The following ZFPM2 variants were observed in gnomAD, a reference collection of about 807,000 sequenced individuals.
The protein encoded by ZFPM2 is zinc finger protein, FOG family member 2, also known as zinc finger protein ZFPM2.
ZFPM2 carries 20 observed loss-of-function variants against 98.6 expected under a neutral mutation model. The observed-to-expected ratio is 0.20, with a 90% CI of 0.14 to 0.29. ZFPM2 has a LOEUF of 0.29. Ranked by LOEUF, ZFPM2 falls within the 10% of genes least tolerant of loss-of-function variation. ZFPM2 has a pLI of 1.00. For missense variants in ZFPM2, 1,310 were observed against 1,388.6 expected, an observed-to-expected ratio of 0.94 and a Z score of 0.90; for synonymous variants, 518 against 502.7, an observed-to-expected ratio of 1.03 and a Z score of -0.41.
intron 5 of ZFPM2, among the ~76,000 whole-genome samples, chr8:105,762,185 A>G (rs531639966): frequency 7.5e-4 from 114 of 152,142 alleles, no homozygotes; most frequent in African/African-American, 2.5e-3. Flanking sequence ...TTGAAAATCA[A>G]TGATCAATGC....
chr8:105,778,953 C>G (rs1354169065), intron 5 of ZFPM2, among the ~76,000 whole-genome samples: 1 of 123,022 alleles, frequency 8.1e-6, no homozygotes, highest in Non-Finnish European at 1.7e-5. Context: ...TATTAAATAT[C>G]TGAATTTTGG....
At chr8:105,573,240 A>C (rs576575640) in intron 4 of ZFPM2, among the ~76,000 whole-genome samples, 1 of 152,306 alleles carries the variant, frequency 6.6e-6, no homozygotes, top group East Asian at 1.9e-4. Context: ...GCCCAAGACA[A>C]AAGCCACAGT....
intron 2 of ZFPM2, among the ~76,000 whole-genome samples, chr8:105,443,611 A>G (rs1276150810): frequency 1.3e-5 from 2 of 152,148 alleles, no homozygotes; most frequent in African/African-American, 4.8e-5. Context: ...TGCCATAACT[A>G]TATTTTTGCT....
intron 1 of ZFPM2, among the ~76,000 whole-genome samples, chr8:105,340,719 T>C (rs1812413310): frequency 6.6e-6 from 1 of 151,938 alleles, no homozygotes; most frequent in African/African-American, 2.4e-5. Flanking sequence ...CTGTTCTATG[T>C]ACAGAAGTCA....
intron 5 of ZFPM2, among the ~76,000 whole-genome samples, chr8:105,730,274 A>G (rs2131012672): frequency 6.6e-6 from 1 of 151,900 alleles, no homozygotes; most frequent in South Asian, 2.1e-4. Context: ...GCATGAAAGT[A>G]AGACAGTTTT....
At chr8:105,410,925 A>G (rs1016333586) in intron 1 of ZFPM2, among the ~76,000 whole-genome samples, 4 of 151,836 alleles carry the variant, frequency 2.6e-5, no homozygotes, top group Admixed American at 1.3e-4. Context: ...GGGGAAAAAA[A>G]AATTGCTGCT....
At chr8:105,345,655 C>T (rs1812510073) in intron 1 of ZFPM2, among the ~76,000 whole-genome samples, 1 of 151,990 alleles carries the variant, frequency 6.6e-6, no homozygotes, top group South Asian at 2.1e-4. Context: ...TACTGTTCAG[C>T]TTGTTCAGAC....
At chr8:105,732,133 C>A (rs1381037678) in intron 5 of ZFPM2, among the ~76,000 whole-genome samples, 1 of 151,670 alleles carries the variant, frequency 6.6e-6, no homozygotes, top group Admixed American at 6.6e-5. Flanking sequence ...ACAAAAATGG[C>A]AGCTGTCCCC....
At chr8:105,769,182 C>A (rs1812928336) in intron 5 of ZFPM2, among the ~76,000 whole-genome samples, 1 of 151,990 alleles carries the variant, frequency 6.6e-6, no homozygotes, top group African/African-American at 2.4e-5. Context: ...AACACATATT[C>A]ACCTACAAAG....
At chr8:105,561,725 G>A (rs1478072656) in intron 4 of ZFPM2, among the ~76,000 whole-genome samples, 2 of 152,064 alleles carry the variant, frequency 1.3e-5, no homozygotes, top group Admixed American at 1.3e-4. Flanking sequence ...TAATATGTAA[G>A]GTTATTGCTT....
intron 3 of ZFPM2, among the ~76,000 whole-genome samples, chr8:105,479,650 T>C (rs1305650751): frequency 6.6e-6 from 1 of 152,188 alleles, no homozygotes; most frequent in African/African-American, 2.4e-5. Context: ...TGGAAAAACT[T>C]GTTGCATTTC....
At chr8:105,586,325 A>G (rs1815713938) in intron 4 of ZFPM2, among the ~76,000 whole-genome samples, 1 of 149,080 alleles carries the variant, frequency 6.7e-6, no homozygotes, top group South Asian at 2.2e-4. Flanking sequence ...TTAGTAGTAG[A>G]AATAACCAGT....
chr8:105,792,906 A>G (rs975039204), intron 6 of ZFPM2, among the ~76,000 whole-genome samples: 26 of 152,100 alleles, frequency 1.7e-4, no homozygotes, highest in Admixed American at 9.8e-4. Flanking sequence ...TAGGATTGCA[A>G]TCCCTGCCTT....
chr8:105,732,903 G>A (rs1200277685), intron 5 of ZFPM2, among the ~76,000 whole-genome samples: 1 of 151,668 alleles, frequency 6.6e-6, no homozygotes, highest in Non-Finnish European at 1.5e-5. Flanking sequence ...GCAGCTTCTT[G>A]TTGTTAAAGT....
At chr8:105,596,447 G>A (rs1308678451) in intron 4 of ZFPM2, among the ~76,000 whole-genome samples, 2 of 151,986 alleles carry the variant, frequency 1.3e-5, no homozygotes, top group Non-Finnish European at 2.9e-5. Context: ...TTTTTACCCT[G>A]GTTGCAAATA....
Position 105,650,125 on chromosome 8 carries a change from A to G in ZFPM2, c.532+15768A>G, listed in dbSNP as rs149462831. On this transcript the variant is annotated intron_variant, in intron 5 of 7. Transcript: ENST00000407775. Reference sequence around the variant, plus strand: ...CTTGGGAGGGTCTATGTGTCGAGGAATTTATCCATTTCTTCTAGATTTTCT... The same window carrying G: ...CTTGGGAGGGTCTATGTGTCGAGGAGTTTATCCATTTCTTCTAGATTTTCT... 4.8e-3 allele frequency among the ~76,000 whole-genome samples: 725 copies of G among 152,230 alleles called. 4 individuals are homozygous for G. The highest frequency in any genetic ancestry group is 0.017 in the African/African-American group (697 of 41,546).
At chr8:105,590,696 A>G (rs868029478) in intron 4 of ZFPM2, among the ~76,000 whole-genome samples, 4 of 152,374 alleles carry the variant, frequency 2.6e-5, no homozygotes, top group Admixed American at 1.3e-4. Context: ...GTAACAAGAA[A>G]AAAGTATGTG....
Position 105,803,184 on chromosome 8 carries a change from G to C in ZFPM2, c.3102G>C (p.Leu1034Phe). ...CGCTGAAGAAAGATTCTCTGCCATT[G>C]TTGCCCAAAAATCGAGGAATGGTAA... ...CAALKKDSLP[L>F]LPKNRGMVIV... is the part of the protein sequence containing the mutation. Residue 1034 changes from leucine to phenylalanine, a missense_variant, in exon 8 of 8, where the codon TTG becomes TTC. Leu to Phe is a conservative substitution (Grantham distance 22). Coordinates refer to ENST00000407775, the MANE Select transcript of ZFPM2 (RefSeq NM_012082.4). 6.2e-7 allele frequency: 1 copy of C among 1,613,758 alleles called. No individual in the cohort carries two copies. The highest frequency in any genetic ancestry group is 1.3e-5 in the African/African-American group (1 of 75,030).
chr8:105,413,311 T>C (rs1811613596), intron 1 of ZFPM2, among the ~76,000 whole-genome samples: 1 of 151,738 alleles, frequency 6.6e-6, no homozygotes, highest in Non-Finnish European at 1.5e-5. Flanking sequence ...ATATTTTAAC[T>C]CCTTTTACCT....
Sources: gnomAD v4.1 joint callset for allele counts (sites outside exome capture counted in the v4.1 genomes callset) on GRCh38, gnomAD v4.1.1 for gene constraint, MANE v1.5 for transcripts, NCBI Gene and HGNC (gene_info 2026-07-23, HGNC 2026-07-21) for gene names.